GFPT2: variants seen among roughly 807,000 people sequenced by gnomAD.
The protein encoded by GFPT2 is glutamine--fructose-6-phosphate aminotransferase [isomerizing] 2.
GFPT2 carries 62 observed loss-of-function variants against 85.6 expected under a neutral mutation model. The observed-to-expected ratio is 0.72, with a 90% CI of 0.59 to 0.90. GFPT2 has a LOEUF of 0.90. Among genes scored for constraint, GFPT2 ranks in the 40% least tolerant of loss-of-function variants. The pLI is 0.00. For synonymous variants in GFPT2, 368 were observed against 344.5 expected, an observed-to-expected ratio of 1.07 and a Z score of -0.75; for missense variants, 788 against 893.4, an observed-to-expected ratio of 0.88 and a Z score of 1.50.
At chr5:180,329,624 C>T (rs896766712) in intron 6 of GFPT2, among the ~76,000 whole-genome samples, 1 of 152,206 alleles carries the variant, frequency 6.6e-6, no homozygotes. Context: ...GACAAAAAGG[C>T]TTCAACAGTA....
intron 13 of GFPT2, among the ~76,000 whole-genome samples, chr5:180,315,246 C>T (rs1457123330): frequency 6.6e-6 from 1 of 151,518 alleles, no homozygotes; most frequent in Non-Finnish European, 1.5e-5. Context: ...GGCGCGATCT[C>T]AGCTCACTGC....
chr5:180,313,336 A>C (rs1366209628), intron 14 of GFPT2, among the ~76,000 whole-genome samples: 2 of 151,752 alleles, frequency 1.3e-5, no homozygotes, highest in African/African-American at 4.8e-5. Context: ...TCACGCCTGT[A>C]ATCCCAGCAC....
intron 13 of GFPT2, among the ~76,000 whole-genome samples, chr5:180,314,420 G>C (rs1763962422): frequency 6.6e-6 from 1 of 152,202 alleles, no homozygotes; most frequent in African/African-American, 2.4e-5. Flanking sequence ...GATCCTGTTT[G>C]AAAGGACACT....
rs780867735 is a variant in GFPT2 at position 180,330,683 on chromosome 5, T to C, written c.534+17A>G. ...AGAATGAAGGAATGAGTTAGACAGA[T>C]GGGATTTGTAACTCACCAACTGCTG... On this transcript the variant is annotated intron_variant, in intron 6 of 18. Transcript: ENST00000253778. The surrounding 1 kb of genome is among the most constrained non-coding windows in gnomAD (Gnocchi z 4.4). 1.2e-6 allele frequency: 2 copies of C among 1,601,460 alleles called. No homozygotes were observed. The highest frequency in any genetic ancestry group is 2.2e-5 in the East Asian group (1 of 44,810).
In GFPT2 at chr5:180,323,921, A is replaced by G. The variant is rs952424356; in HGVS notation, c.794+267T>C. The stretch of plus-strand genomic sequence containing the variant: ...TCCAAATTTTACAACATTGGCAACT[A>G]ACCCATTCATTTTGTGCAGGCTCGA... On this transcript the variant is annotated intron_variant, in intron 9 of 18. Transcript: ENST00000253778. The surrounding 1 kb of genome is among the most constrained non-coding windows in gnomAD (Gnocchi z 4.0). 6.6e-6 allele frequency among the ~76,000 whole-genome samples: 1 copy of G among 152,232 alleles called. No individual in the cohort carries two copies. The highest frequency in any genetic ancestry group is 2.4e-5 in the African/African-American group (1 of 41,470).
intron 1 of GFPT2, among the ~76,000 whole-genome samples, chr5:180,349,123 T>C (rs1040457884): frequency 6.6e-6 from 1 of 151,722 alleles, no homozygotes; most frequent in African/African-American, 2.4e-5. Context: ...GTGATATATA[T>C]TTAATTAAAA....
intron 1 of GFPT2, chr5:180,352,378 T>C (rs1764727768): frequency 2.2e-6 from 1 of 447,122 alleles, no homozygotes; most frequent in Admixed American, 2.5e-5. Context: ...TGACCTTTTG[T>C]CCCAGCAGAA....
chr5:180,304,658 C>G, intron 17 of GFPT2, 114 bp downstream of exon 17: 1 of 988,980 alleles, frequency 1.0e-6, no homozygotes, highest in Non-Finnish European at 1.5e-6. Flanking sequence ...GGTGTGTGGT[C>G]ACAGCCACTC....
At position 180,328,291 on chromosome 5, in the gene GFPT2, T is replaced by G. The variant is rs1162708141; in HGVS notation, c.582A>C (p.Glu194Asp). 2.5e-6 allele frequency: 4 copies of G among 1,612,354 alleles called. No individual in the cohort carries two copies. In the African/African-American group the frequency reaches 5.3e-5, roughly 22 times the overall value. The change falls in exon 7 of 19, where the codon GAA (glutamate) becomes GAC (aspartate). Residue 194 changes from glutamate (E) to aspartate (D), a missense_variant. Glu to Asp is a conservative substitution (Grantham distance 45). Coordinates refer to ENST00000253778, the MANE Select transcript of GFPT2 (RefSeq NM_005110.4). The surrounding 1 kb of genome is among the most constrained non-coding windows in gnomAD (Gnocchi z 5.4). ...TTTTGCCTCACCGTGTGGCAACGGCTTCTCCTGGGTAGTGGACACTCTTGA... is the reference window on the plus strand; with the variant it reads ...TTTTGCCTCACCGTGTGGCAACGGCGTCTCCTGGGTAGTGGACACTCTTGA... ...LVFKSVHYPG[E>D]AVATRRGSPL...
At chr5:180,339,061 G>A (rs559099511) in intron 1 of GFPT2, among the ~76,000 whole-genome samples, 8 of 152,200 alleles carry the variant, frequency 5.3e-5, no homozygotes, top group East Asian at 3.9e-4. Flanking sequence ...CCCCTTCTCC[G>A]TAAGGCTGGA....
At chr5:180,309,625 T>G (rs879489285) in intron 15 of GFPT2, among the ~76,000 whole-genome samples, 5 of 152,046 alleles carry the variant, frequency 3.3e-5, no homozygotes, top group Non-Finnish European at 7.4e-5. Context: ...TTGGTCAGGC[T>G]GGTCTCGAAC....
intron 2 of GFPT2, among the ~76,000 whole-genome samples, chr5:180,337,452 CGA>C (rs1491321083): frequency 1.1e-5 from 1 of 87,528 alleles, no homozygotes; most frequent in Non-Finnish European, 2.5e-5. Context: ...GACTCCATCT[CGA>C]AAAAAAAAAA....
chr5:180,353,293 CTCCGTGGG>C lies in GFPT2; in HGVS notation c.-84_-77del. On this transcript the variant is annotated 5_prime_UTR_variant, in exon 1 of 19. Coordinates refer to ENST00000253778, the MANE Select transcript of GFPT2 (RefSeq NM_005110.4). ...GACGCTGGGGCTCCTCCGTGGGCTCCTCCGTGGGCTCCGTGGGCTCCGTGGGCTCCGCG... is the reference window on the plus strand; with the variant it reads ...GACGCTGGGGCTCCTCCGTGGGCTCCCTCCGTGGGCTCCGTGGGCTCCGCG... The C allele has an allele frequency of 7.8e-6, 2 of 255,238 alleles. No homozygotes were observed. The highest frequency in any genetic ancestry group is 1.1e-5 in the Non-Finnish European group (2 of 189,172). The allele number at this position is 255,238 out of a possible 1,614,324, so 15.8% of individuals were successfully genotyped here.
At chr5:180,331,213 A>AT (rs1307582913) in intron 5 of GFPT2, among the ~76,000 whole-genome samples, 3 of 152,226 alleles carry the variant, frequency 2.0e-5, no homozygotes, top group Admixed American at 2.0e-4. Context: ...TCGCTGTGTT[A>AT]TATAATGCAG....
chr5:180,312,450 C>A lies in GFPT2; in HGVS notation c.1526G>T (p.Arg509Leu), dbSNP rs781251382. 2.5e-6 allele frequency: 4 copies of A among 1,594,346 alleles called. No homozygotes were observed. The Admixed American group carries it at 6.7e-5, about 27-fold the overall frequency. Residue 509 changes from arginine to leucine, a missense_variant, in exon 15 of 19, where the codon CGT becomes CTT. Coordinates refer to ENST00000253778, the MANE Select transcript of GFPT2 (RefSeq NM_005110.4). ...SLQNRRQEII[R>L]GLRSLPELIK... ...CATACCAGGTAAAGATCTCAAGCCA[C>A]GGATGATCTCTTGCCTCCTGTTTTG... is the stretch of plus-strand genomic sequence containing the variant.
At chr5:180,342,521 C>T (rs1764538010) in intron 1 of GFPT2, among the ~76,000 whole-genome samples, 1 of 151,532 alleles carries the variant, frequency 6.6e-6, no homozygotes, top group African/African-American at 2.4e-5. Flanking sequence ...GCTATCCCCA[C>T]AGCCTTGGCC....
intron 1 of GFPT2, among the ~76,000 whole-genome samples, chr5:180,347,548 C>T (rs1026783469): frequency 3.9e-5 from 6 of 152,144 alleles, no homozygotes; most frequent in African/African-American, 9.7e-5. Flanking sequence ...AGACTGTAGC[C>T]TCTTGGCCCC....
At chr5:180,344,255 G>C (rs1287967609) in intron 1 of GFPT2, among the ~76,000 whole-genome samples, 1 of 152,174 alleles carries the variant, frequency 6.6e-6, no homozygotes, top group Non-Finnish European at 1.5e-5. Context: ...TTCTAGAAGG[G>C]CACCACGCCC....
chr5:180,333,249 T>G (rs985616284), intron 4 of GFPT2, among the ~76,000 whole-genome samples: 6 of 152,104 alleles, frequency 3.9e-5, no homozygotes, highest in African/African-American at 1.4e-4. Context: ...CTTTTTTTTT[T>G]TCTGAGATGG....
Sources: allele counts gnomAD v4.1 joint callset (sites outside exome capture counted in the v4.1 genomes callset), GRCh38; gene constraint gnomAD v4.1.1; non-coding constraint Gnocchi (gnomAD v3.1); transcripts MANE v1.5; gene names NCBI Gene and HGNC (gene_info 2026-07-23, HGNC 2026-07-21).